Variants in SAP30L observed in about 807,000 individuals in gnomAD.
SAP30L encodes SAP30 like.
Under a neutral mutation model 22.3 loss-of-function variants are expected in SAP30L, and 10 were observed. The observed-to-expected ratio is 0.45, with a 90% confidence interval of 0.28 to 0.76. SAP30L has a LOEUF of 0.76. Ranked by LOEUF, SAP30L falls within the 30% of genes least tolerant of loss-of-function variation. SAP30L has a pLI of 0.14. For missense variants in SAP30L, 206 were observed against 237.9 expected (o/e 0.87, Z 0.88); for synonymous variants, 91 against 94.1 (o/e 0.97, Z 0.19).
At chr5:154,449,835 C>G (rs1241931575) in intron 1 of SAP30L, among the ~76,000 whole-genome samples, 1 of 152,132 alleles carries the variant, frequency 6.6e-6, no homozygotes, top group Non-Finnish European at 1.5e-5. Context: ...AGGAGACTTC[C>G]TATATTGGTA....
At chr5:154,455,799 C>T in intron 3 of SAP30L, 101 bp from the exon 4 acceptor site, 1 of 1,408,234 alleles carries the variant, frequency 7.1e-7, no homozygotes. Context: ...TCATTCCCGC[C>T]ACAGCATGCA....
At chr5:154,455,195 G>A (rs1757237385) in intron 3 of SAP30L, among the ~76,000 whole-genome samples, 1 of 152,118 alleles carries the variant, frequency 6.6e-6, no homozygotes, top group African/African-American at 2.4e-5. Context: ...TAGGATTACA[G>A]GTGTGAGCCA....
intron 1 of SAP30L, among the ~76,000 whole-genome samples, chr5:154,450,325 G>A (rs1041334051): frequency 6.6e-6 from 1 of 152,178 alleles, no homozygotes; most frequent in African/African-American, 2.4e-5. Context: ...ACTTTTCTTT[G>A]TGGATCAGAT....
rs1399180190 is a variant in SAP30L, at chr5:154,446,408, AG to A, written c.-192del. ...ACCCCGGGGCCTCGAGCCGGGAGGA[AG>A]GGGGCTTCCGGAGGCGGAGGGCCGG... On this transcript the variant is annotated 5_prime_UTR_variant, in exon 1 of 4. Transcript: ENST00000297109. 1 of 411,558 alleles carries A rather than the reference AG, an allele frequency of 2.4e-6. No homozygotes were observed. Among genetic ancestry groups the A allele is most frequent in the Non-Finnish European group, 4.2e-6 (1 of 239,390 alleles). The allele number at this position is 411,558 out of a possible 1,614,324, so 25.5% of individuals were successfully genotyped here.
At chr5:154,448,871 A>G (rs1272558505) in intron 1 of SAP30L, among the ~76,000 whole-genome samples, 2 of 152,188 alleles carry the variant, frequency 1.3e-5, no homozygotes, top group Non-Finnish European at 2.9e-5. Context: ...TTGTGGAGTC[A>G]TTATTTCTGA....
At chr5:154,453,830 CTT>C (rs770435685) in intron 3 of SAP30L, among the ~76,000 whole-genome samples, 31 of 152,134 alleles carry the variant, frequency 2.0e-4, no homozygotes, top group Admixed American at 7.9e-4. Context: ...GAAGATTCCT[CTT>C]TTTGTTTTTT....
chr5:154,449,709 C>T (rs143004752), intron 1 of SAP30L, among the ~76,000 whole-genome samples: 2 of 152,320 alleles, frequency 1.3e-5, no homozygotes, highest in Non-Finnish European at 2.9e-5. Flanking sequence ...TTCTTTGGGA[C>T]AGTGGCATGT....
Position 154,456,257 on chromosome 5 carries a change from GAATT to G in SAP30L, c.*232_*235del, listed in dbSNP as rs1396506173. ...ACTAAAAAAATCAGGATCATTAAAA[GAATT>G]AAAAACTATGTATTTCAGCATTCAA... On this transcript the variant is annotated 3_prime_UTR_variant, in exon 4 of 4. Coordinates refer to ENST00000297109, the MANE Select transcript of SAP30L (RefSeq NM_024632.6). 1 of 347,434 alleles carries G rather than the reference GAATT, an allele frequency of 2.9e-6. No homozygotes were observed. The allele number at this position is 347,434 out of a possible 1,614,324, so 21.5% of individuals were successfully genotyped here.
Position 154,452,365 on chromosome 5 carries a change from C to CAAA in SAP30L, c.325-1022_325-1020dup, listed in dbSNP as rs34765495. 892 of 228,762 alleles carry CAAA rather than the reference C, an allele frequency of 3.9e-3. 9 individuals are homozygous for CAAA. Among genetic ancestry groups the CAAA allele is most frequent in the African/African-American group, 0.017 (629 of 36,178 alleles). 14.2% of individuals were successfully genotyped at this position (228,762 alleles called of 1,614,324 possible). On this transcript the variant is annotated intron_variant, in intron 2 of 3. Transcript: ENST00000297109. ...TATTCGATTTCTAAGTGGTTTTCAC[C>CAAA]AAAAAAAAAAAAAAAAAGGTTTTGA... is the stretch of plus-strand genomic sequence containing the variant.
intron 1 of SAP30L, among the ~76,000 whole-genome samples, chr5:154,447,969 C>CTTTTTTTTTTTTTTTTTTTTTTTTTTTT (rs140213326): frequency 3.1e-3 from 275 of 88,374 alleles, no homozygotes; most frequent in African/African-American, 4.1e-3. Context: ...TTTTCTTTTT[C>CTTTTTTTTTTTTTTTTTTTTTTTTTTTT]TTTTTTTTTT....
chr5:154,450,894 C>T (rs573486342), intron 1 of SAP30L, among the ~76,000 whole-genome samples, 197 bp from the exon 2 acceptor site: 1 of 152,306 alleles, frequency 6.6e-6, no homozygotes, highest in African/African-American at 2.4e-5. Flanking sequence ...GTGTATGATA[C>T]GCTGCCAAGT....
intron 1 of SAP30L, among the ~76,000 whole-genome samples, chr5:154,448,210 A>G (rs1231456769): frequency 6.6e-6 from 1 of 152,068 alleles, no homozygotes; most frequent in African/African-American, 2.4e-5. Context: ...TCCTGACCTC[A>G]AATGATCCAC....
intron 1 of SAP30L, among the ~76,000 whole-genome samples, chr5:154,450,036 A>G (rs929789383): frequency 5.9e-5 from 9 of 152,254 alleles, no homozygotes; most frequent in African/African-American, 2.2e-4. Flanking sequence ...GCTTACTTTT[A>G]TCTTTAAGGA....
rs778735297 is a variant in SAP30L, at chr5:154,456,008, G to A, written c.532G>A (p.Gly178Ser). ...GAGTAGACTGGACCAGAAATCGGAG[G>A]GTGGCAAGCAGCTTGAGTGAGGATG... is the stretch of plus-strand genomic sequence containing the variant. ...NKSRLDQKSE[G>S]GKQLE Residue 178 changes from glycine to serine, a missense_variant, in exon 4 of 4, where the codon GGT (glycine) becomes AGT (serine). Gly to Ser is a moderately conservative substitution (Grantham distance 56). Transcript: ENST00000297109. The A allele has an allele frequency of 1.9e-6, 3 of 1,613,930 alleles. No homozygotes were observed. Among genetic ancestry groups the A allele is most frequent in the Non-Finnish European group, 2.5e-6 (3 of 1,179,942 alleles).
intron 1 of SAP30L, among the ~76,000 whole-genome samples, chr5:154,449,876 C>A (rs10058057): frequency 0.12 from 18,622 of 152,154 alleles, 1,235 homozygotes; most frequent in South Asian, 0.24. Flanking sequence ...CTCCTGTCTG[C>A]AAGACACCAT....
At chr5:154,448,939 T>A (rs1235619823) in intron 1 of SAP30L, among the ~76,000 whole-genome samples, 1 of 151,918 alleles carries the variant, frequency 6.6e-6, no homozygotes, top group Non-Finnish European at 1.5e-5. Context: ...AGGTAACTGG[T>A]ATGTTACAAG....
At chr5:154,450,566 A>AG (rs1485748791) in intron 1 of SAP30L, among the ~76,000 whole-genome samples, 1 of 152,112 alleles carries the variant, frequency 6.6e-6, no homozygotes, top group Non-Finnish European at 1.5e-5. Flanking sequence ...TGCTTCCTTG[A>AG]GGGACTCTGT....
At chr5:154,453,597 A>G (rs1301782472) in intron 3 of SAP30L, 97 bp downstream of exon 3, 9 of 862,724 alleles carry the variant, frequency 1.0e-5, no homozygotes, top group Non-Finnish European at 9.5e-6. Flanking sequence ...GCTAATTGTA[A>G]TTTCCTCCAG....
intron 1 of SAP30L, among the ~76,000 whole-genome samples, chr5:154,450,881 T>C (rs1757123137): frequency 3.3e-5 from 5 of 152,192 alleles, no homozygotes; most frequent in Admixed American, 3.3e-4. Context: ...CACTGGAAGT[T>C]TGGTGTATGA....
Sources: allele counts gnomAD v4.1 joint callset (sites outside exome capture counted in the v4.1 genomes callset), GRCh38; gene constraint gnomAD v4.1.1; transcripts MANE v1.5; gene names NCBI Gene and HGNC (gene_info 2026-07-23, HGNC 2026-07-21).